MFSD1: variants seen among roughly 807,000 people sequenced by gnomAD.
MFSD1 encodes lysosomal dipeptide transporter MFSD1.
Under a neutral mutation model 67.1 loss-of-function variants are expected in MFSD1, and 59 were observed. That is an observed-to-expected ratio of 0.88 (90% CI 0.71 to 1.09). The LOEUF (loss-of-function observed/expected upper bound fraction) is 1.09, where lower values mean the gene tolerates loss of function less well. MFSD1 is among the 50% of genes least tolerant of loss of function. MFSD1 has a pLI of 0.00. For synonymous variants in MFSD1, 213 were observed against 200.3 expected (o/e 1.06, Z -0.54); for missense variants, 552 against 566.1 (o/e 0.97, Z 0.25).
rs1183418739 is a variant in MFSD1 at position 158,824,057 on chromosome 3, T to C, written c.1176-67T>C. 3.9e-6 allele frequency: 4 copies of C among 1,027,554 alleles called. No individual in the cohort carries two copies. The African/African-American group carries it at 6.4e-5, about 17-fold the overall frequency. The allele number at this position is 1,027,554 out of a possible 1,614,324, so 63.7% of individuals were successfully genotyped here. A position where few individuals can be genotyped will look rare whatever the true frequency, so the allele number is the denominator to read the frequency against. On this transcript the variant is annotated intron_variant, in intron 12 of 15. Coordinates refer to ENST00000415822, the MANE Select transcript of MFSD1 (RefSeq NM_022736.4). ...GGTTCACAGATACTAATATTTATAGTGAAGTGTTAGCCTATGTGTGAAGAC... is the reference window on the plus strand; with the variant it reads ...GGTTCACAGATACTAATATTTATAGCGAAGTGTTAGCCTATGTGTGAAGAC...
In MFSD1 at chr3:158,805,439, TG is replaced by T; in HGVS notation, c.296del (p.Gly99ValfsTer4). The stretch of plus-strand genomic sequence containing the variant: ...GGCCCAATGTAGTTTTGTGTTTCTT[TG>T]GTGGCTTTTTGATAGACCGAGTATT... ...SWPNVVLCFFGGFLIDRVFGI... is the reference protein window; with the variant it reads ...SWPNVVLCFFXGFLIDRVFGI... On this transcript the variant is annotated frameshift_variant, in exon 3 of 16. Transcript: ENST00000415822. LOFTEE classifies it high-confidence loss of function. 6.2e-7 allele frequency: 1 copy of T among 1,614,110 alleles called. No homozygotes were observed. The highest frequency in any genetic ancestry group is 8.5e-7 in the Non-Finnish European group (1 of 1,179,954).
At chr3:158,808,076 A>C (rs1279434896) in intron 5 of MFSD1, among the ~76,000 whole-genome samples, 1 of 152,238 alleles carries the variant, frequency 6.6e-6, no homozygotes, top group Admixed American at 6.5e-5. Context: ...ATGTAGACAT[A>C]GGTGACATAC....
intron 7 of MFSD1, among the ~76,000 whole-genome samples, chr3:158,814,683 A>G (rs1463401393): frequency 1.3e-5 from 2 of 152,324 alleles, no homozygotes; most frequent in East Asian, 1.9e-4. Flanking sequence ...GTAAATAAAA[A>G]CTTTTTGAGA....
chr3:158,827,666 T>C (rs896256698), intron 15 of MFSD1, among the ~76,000 whole-genome samples: 1 of 152,070 alleles, frequency 6.6e-6, no homozygotes, highest in African/African-American at 2.4e-5. Flanking sequence ...TCTGCCTGCA[T>C]CGGCCTCCCA....
At chr3:158,815,423 C>A (rs897361672) in intron 7 of MFSD1, among the ~76,000 whole-genome samples, 1 of 144,140 alleles carries the variant, frequency 6.9e-6, no homozygotes, top group Non-Finnish European at 1.5e-5. Context: ...GAGCTCAATA[C>A]AATTCCTAGC....
intron 5 of MFSD1, 26 bp from the exon 6 acceptor site, chr3:158,809,153 G>GTTTTTTTTTTTTTTTTTTTTTT: frequency 8.3e-7 from 1 of 1,205,254 alleles, no homozygotes. Flanking sequence ...GTGACTTCTG[G>GTTTTTTTTTTTTTTTTTTTTTT]TTTTTTTTTT....
intron 15 of MFSD1, among the ~76,000 whole-genome samples, chr3:158,827,943 G>GATT (rs1559926595): frequency 5.4e-5 from 2 of 36,946 alleles, no homozygotes; most frequent in Non-Finnish European, 1.1e-4. Flanking sequence ...AGAGAGAGAG[G>GATT]GGGAGAGAGA....
intron 13 of MFSD1, chr3:158,825,308 A>G (rs1228802686): frequency 1.3e-5 from 2 of 152,174 alleles, no homozygotes; most frequent in Non-Finnish European, 2.9e-5. Context: ...ACAGGTGTGC[A>G]CCACCATGCT....
chr3:158,817,768 C>T (rs1045835074), intron 7 of MFSD1, among the ~76,000 whole-genome samples: 9 of 152,006 alleles, frequency 5.9e-5, no homozygotes, highest in South Asian at 2.1e-4. Flanking sequence ...TCGTATGGAA[C>T]GAAAAAAGAG....
intron 15 of MFSD1, among the ~76,000 whole-genome samples, chr3:158,828,700 AT>A (rs553115300): frequency 3.5e-4 from 53 of 152,296 alleles, no homozygotes; most frequent in African/African-American, 1.3e-3. Context: ...TTTAAACCCA[AT>A]TACTTATGTA....
intron 12 of MFSD1, 25 bp from the exon 13 acceptor site, chr3:158,824,099 T>C: frequency 6.6e-7 from 1 of 1,522,706 alleles, no homozygotes; most frequent in African/African-American, 1.4e-5. Flanking sequence ...AAATGAAATG[T>C]GTCTTTATAT....
chr3:158,814,722 AAG>A (rs1314302298), intron 7 of MFSD1, among the ~76,000 whole-genome samples: 11 of 152,220 alleles, frequency 7.2e-5, no homozygotes, highest in African/African-American at 2.7e-4. Flanking sequence ...CATGCATACA[AAG>A]AGATTATATG....
At position 158,805,212 on chromosome 3, in the gene MFSD1, G is replaced by A. The variant is rs912229890; in HGVS notation, c.217-150G>A. 61 of 658,144 alleles carry A rather than the reference G, an allele frequency of 9.3e-5. 1 individual carries two copies. Among genetic ancestry groups the A allele is most frequent in the Non-Finnish European group, 5.4e-5 (20 of 369,452 alleles). 40.8% of individuals were successfully genotyped at this position (658,144 alleles called of 1,614,324 possible). A position where few individuals can be genotyped will look rare whatever the true frequency, so the allele number is the denominator to read the frequency against. On this transcript the variant is annotated intron_variant, in intron 2 of 15. Coordinates refer to ENST00000415822, the MANE Select transcript of MFSD1 (RefSeq NM_022736.4). ...TAGCTTTCATGAGATTCTCAAGGAA[G>A]TTAGTGAGACTTATAAATGGTTAAA...
At chr3:158,821,563 T>C (rs371297959) in intron 9 of MFSD1, 34 bp from the exon 10 acceptor site, 10 of 1,428,046 alleles carry the variant, frequency 7.0e-6, no homozygotes, top group Non-Finnish European at 8.8e-6. Context: ...TAGTTCTCTC[T>C]AATGTGCTAA....
Position 158,828,977 on chromosome 3 carries a change from A to C in MFSD1, c.1395-2A>C, listed in dbSNP as rs891388980. 8 of 1,603,148 alleles carry C rather than the reference A, an allele frequency of 5.0e-6. No homozygotes were observed. In the Admixed American group the frequency reaches 6.8e-5, roughly 14 times the overall value. On this transcript the variant is annotated splice_acceptor_variant, in intron 15 of 15. Coordinates refer to ENST00000415822, the MANE Select transcript of MFSD1 (RefSeq NM_022736.4). LOFTEE classifies it high-confidence loss of function. ...GGTAATTTATTGCGTTATGTTTTGC[A>C]GATGAGAAGTTAAAATGAATGTGTC...
chr3:158,804,004 A>G (rs1484069444), intron 1 of MFSD1, among the ~76,000 whole-genome samples: 1 of 152,240 alleles, frequency 6.6e-6, no homozygotes, highest in Non-Finnish European at 1.5e-5. Context: ...AATAAAATAT[A>G]GATGCTTCAT....
chr3:158,828,037 C>A (rs116081127), intron 15 of MFSD1, among the ~76,000 whole-genome samples: 2,808 of 150,654 alleles, frequency 0.019, 95 homozygotes, highest in African/African-American at 0.065. Context: ...GTCCTGAGGT[C>A]CTGGACTGGG....
chr3:158,820,453 C>G lies in MFSD1; in HGVS notation c.863+127C>G, dbSNP rs537948548. On this transcript the variant is annotated intron_variant, in intron 9 of 15. Coordinates refer to ENST00000415822, the MANE Select transcript of MFSD1 (RefSeq NM_022736.4). ...ATAGTTTATATTTTCACAGGAATTACTTTAGATCCTGGGATATACATTTTC... is the reference window on the plus strand; with the variant it reads ...ATAGTTTATATTTTCACAGGAATTAGTTTAGATCCTGGGATATACATTTTC... 4.4e-5 allele frequency: 28 copies of G among 631,856 alleles called. No individual in the cohort carries two copies. The African/African-American group carries it at 4.7e-4, about 11-fold the overall frequency. 39.1% of individuals were successfully genotyped at this position (631,856 alleles called of 1,614,324 possible).
chr3:158,828,286 C>T (rs1731117623), intron 15 of MFSD1, among the ~76,000 whole-genome samples: 1 of 152,024 alleles, frequency 6.6e-6, no homozygotes, highest in Non-Finnish European at 1.5e-5. Context: ...TGATTTTAAA[C>T]ATTTATTTGT....
Sources: gnomAD v4.1 joint callset for allele counts (sites outside exome capture counted in the v4.1 genomes callset) on GRCh38, gnomAD v4.1.1 for gene constraint, MANE v1.5 for transcripts, NCBI Gene and HGNC (gene_info 2026-07-23, HGNC 2026-07-21) for gene names.